TMTC2: variants seen among roughly 807,000 people sequenced by gnomAD.
TMTC2 encodes transmembrane O-mannosyltransferase targeting cadherins 2.
In TMTC2, 43 loss-of-function variants were observed where a neutral mutation model predicts 82.4. The ratio of observed to expected loss-of-function variants is 0.52; its 90% CI spans 0.41 to 0.67. TMTC2 has a LOEUF of 0.67. Among genes scored for constraint, TMTC2 ranks in the 30% least tolerant of loss-of-function variants. The pLI is 0.00. For synonymous variants in TMTC2, 408 were observed against 381.9 expected (o/e 1.07, Z -0.80); for missense variants, 919 against 1,012.4 (o/e 0.91, Z 1.25).
chr12:82,886,936 G>A (rs1873130775), intron 2 of TMTC2, among the ~76,000 whole-genome samples: 1 of 152,138 alleles, frequency 6.6e-6, no homozygotes, highest in African/African-American at 2.4e-5. Context: ...AAGGAGGAGA[G>A]CTAAGAGAAA....
At chr12:82,940,950 C>T (rs1876683292) in intron 4 of TMTC2, among the ~76,000 whole-genome samples, 1 of 151,802 alleles carries the variant, frequency 6.6e-6, no homozygotes, top group South Asian at 2.1e-4. Flanking sequence ...GTTAACATGA[C>T]CCAGATTATA....
intron 11 of TMTC2, among the ~76,000 whole-genome samples, chr12:83,099,222 AT>A (rs1180603364): frequency 2.6e-5 from 4 of 152,182 alleles, no homozygotes; most frequent in Non-Finnish European, 5.9e-5. Flanking sequence ...TAACTTCTTG[AT>A]TAAAAGCCTA....
At chr12:83,034,270 C>G (rs777655948) in intron 9 of TMTC2, among the ~76,000 whole-genome samples, 4 of 151,968 alleles carry the variant, frequency 2.6e-5, no homozygotes, top group Non-Finnish European at 5.9e-5. Flanking sequence ...TATTTGAAAT[C>G]TCTATGTTAA....
chr12:82,785,207 A>C (rs1208404392), intron 1 of TMTC2, among the ~76,000 whole-genome samples: 1 of 152,108 alleles, frequency 6.6e-6, no homozygotes, highest in East Asian at 1.9e-4. Flanking sequence ...GATGAGAAAG[A>C]CTTAGCGGGA....
At chr12:82,794,686 A>C (rs1445763427) in intron 1 of TMTC2, among the ~76,000 whole-genome samples, 2 of 152,164 alleles carry the variant, frequency 1.3e-5, no homozygotes, top group Non-Finnish European at 2.9e-5. Flanking sequence ...ATTTAACCAC[A>C]TCTTGAAAGT....
At chr12:82,927,036 G>C (rs193260943) in intron 3 of TMTC2, among the ~76,000 whole-genome samples, 1 of 152,110 alleles carries the variant, frequency 6.6e-6, no homozygotes, top group African/African-American at 2.4e-5. Flanking sequence ...CCCATGGATC[G>C]ATCAAGGAAT....
chr12:82,859,140 T>C (rs1871404746), intron 2 of TMTC2, among the ~76,000 whole-genome samples: 1 of 150,978 alleles, frequency 6.6e-6, no homozygotes. Context: ...CCATCTCGGC[T>C]CACTGCAACC....
intron 1 of TMTC2, among the ~76,000 whole-genome samples, chr12:82,735,483 C>G (rs1456636535): frequency 6.6e-6 from 1 of 151,790 alleles, no homozygotes; most frequent in African/African-American, 2.4e-5. Context: ...GTAGCTGGGA[C>G]TACAGGCGCC....
chr12:82,998,957 C>T (rs1198089969), intron 8 of TMTC2, among the ~76,000 whole-genome samples: 1 of 152,130 alleles, frequency 6.6e-6, no homozygotes, highest in Non-Finnish European at 1.5e-5. Context: ...AGAGAGTTCT[C>T]ATATTCCCAC....
chr12:83,105,630 T>A (rs1361403120), intron 11 of TMTC2, among the ~76,000 whole-genome samples: 1 of 152,124 alleles, frequency 6.6e-6, no homozygotes, highest in Non-Finnish European at 1.5e-5. Context: ...CACCAAGCCA[T>A]GAGGGATCCA....
intron 4 of TMTC2, among the ~76,000 whole-genome samples, chr12:82,940,014 C>CTTTTTTTTTTTT (rs71309537): frequency 2.2e-5 from 2 of 91,264 alleles, no homozygotes; most frequent in African/African-American, 4.3e-5. Context: ...TCTTTCTTTA[C>CTTTTTTTTTTTT]TTTTTTTTTT....
intron 2 of TMTC2, among the ~76,000 whole-genome samples, chr12:82,872,335 C>G (rs12369007): frequency 6.6e-6 from 1 of 152,160 alleles, no homozygotes; most frequent in Non-Finnish European, 1.5e-5. Flanking sequence ...TGCATATACC[C>G]TGGAGGTTGG....
At chr12:82,725,841 G>A (rs1328260801) in intron 1 of TMTC2, among the ~76,000 whole-genome samples, 1 of 152,190 alleles carries the variant, frequency 6.6e-6, no homozygotes, top group African/African-American at 2.4e-5. Context: ...TAATAGAAAG[G>A]AAATGTTCGG....
chr12:83,072,022 C>G (rs954466014), intron 11 of TMTC2, among the ~76,000 whole-genome samples: 2 of 152,034 alleles, frequency 1.3e-5, no homozygotes, highest in African/African-American at 4.8e-5. Context: ...CAGCTCTGAT[C>G]TTGGTAATTT....
At chr12:82,791,735 ACC>A (rs1878480672) in intron 1 of TMTC2, among the ~76,000 whole-genome samples, 1 of 152,094 alleles carries the variant, frequency 6.6e-6, no homozygotes, top group African/African-American at 2.4e-5. Context: ...CTCAGACACC[ACC>A]CTAGACAAAG....
At chr12:83,089,576 A>G (rs1883772510) in intron 11 of TMTC2, among the ~76,000 whole-genome samples, 1 of 152,192 alleles carries the variant, frequency 6.6e-6, no homozygotes, top group Non-Finnish European at 1.5e-5. Flanking sequence ...AAACCAAACA[A>G]ATAGTAATAG....
At chr12:82,805,858 T>A (rs571266482) in intron 1 of TMTC2, among the ~76,000 whole-genome samples, 13 of 152,144 alleles carry the variant, frequency 8.5e-5, no homozygotes, top group African/African-American at 3.1e-4. Flanking sequence ...TCATCAGTGG[T>A]GCTATATAAA....
chr12:82,779,835 G>A (rs977103723), intron 1 of TMTC2, among the ~76,000 whole-genome samples: 3 of 152,092 alleles, frequency 2.0e-5, no homozygotes, highest in South Asian at 4.1e-4. Flanking sequence ...AGAGGCGGAG[G>A]ATGCAGTGAG....
chr12:82,866,614 G>A (rs1871880109), intron 2 of TMTC2, among the ~76,000 whole-genome samples: 1 of 152,158 alleles, frequency 6.6e-6, no homozygotes. Context: ...CCTGCTGCCT[G>A]GGGGAATCAA....
Sources: gnomAD v4.1 joint callset for allele counts (sites outside exome capture counted in the v4.1 genomes callset) on GRCh38, gnomAD v4.1.1 for gene constraint, MANE v1.5 for transcripts, NCBI Gene and HGNC (gene_info 2026-07-23, HGNC 2026-07-21) for gene names.